The following RORA variants were observed in gnomAD, a reference collection of about 807,000 sequenced individuals.
The protein encoded by RORA is RAR related orphan receptor A.
RORA carries 7 observed loss-of-function variants against 69.5 expected under a neutral mutation model. That is an observed-to-expected ratio of 0.10 (90% CI 0.06 to 0.19). RORA has a LOEUF of 0.19. Among genes scored for constraint, RORA ranks in the 10% least tolerant of loss-of-function variants. The pLI, the probability that RORA is intolerant of heterozygous loss-of-function variation, is 1.00. For missense variants in RORA, 457 were observed against 663.0 expected, an observed-to-expected ratio of 0.69 and a Z score of 3.41; for synonymous variants, 261 against 240.8, an observed-to-expected ratio of 1.08 and a Z score of -0.78.
rs531022521 is a variant in RORA, at chr15:60,785,081, G to A, written c.167-106395C>T. On this transcript the variant is annotated intron_variant, in intron 1 of 10. Coordinates refer to ENST00000335670, the MANE Select transcript of RORA (RefSeq NM_134261.3). The stretch of plus-strand genomic sequence containing the variant: ...AATCAAATACAAGCAGCATCCGTTT[G>A]CATTTACTCACGATTATTGTGTTTG... Among the ~76,000 whole-genome samples the A allele has an allele frequency of 1.2e-4, 18 of 152,278 alleles. No individual in the cohort carries two copies. The East Asian group carries it at 3.5e-3, about 29-fold the overall frequency.
chr15:60,622,795 C>A (rs7178150), intron 2 of RORA, among the ~76,000 whole-genome samples: 4,192 of 152,096 alleles, frequency 0.028, 206 homozygotes, highest in African/African-American at 0.096. Context: ...GGCTCACGGC[C>A]ACCTCCACCT....
intron 1 of RORA, among the ~76,000 whole-genome samples, chr15:61,132,298 C>T (rs1169563677): frequency 4.0e-5 from 6 of 151,588 alleles, no homozygotes; most frequent in East Asian, 3.9e-4. Flanking sequence ...TTTATCTTAA[C>T]GGATGTTTGA....
intron 1 of RORA, among the ~76,000 whole-genome samples, chr15:61,054,966 A>G (rs1052009004): frequency 2.0e-5 from 3 of 151,854 alleles, no homozygotes; most frequent in Admixed American, 6.6e-5. Flanking sequence ...CTTCCTGAAT[A>G]GCTGGGACTA....
chr15:61,017,878 A>G (rs955612741), intron 1 of RORA, among the ~76,000 whole-genome samples: 1 of 152,186 alleles, frequency 6.6e-6, no homozygotes, highest in Non-Finnish European at 1.5e-5. Flanking sequence ...CTCCAGGTCC[A>G]CTAATTCTCC....
intron 1 of RORA, among the ~76,000 whole-genome samples, chr15:60,999,532 T>A (rs552797094): frequency 6.6e-6 from 1 of 152,348 alleles, no homozygotes; most frequent in Admixed American, 6.5e-5. Flanking sequence ...ACTAGCAGGT[T>A]GTCTTTTAGA....
intron 1 of RORA, among the ~76,000 whole-genome samples, chr15:61,056,176 T>C (rs72754778): frequency 5.8e-4 from 88 of 152,312 alleles, no homozygotes; most frequent in Non-Finnish European, 9.7e-4. Flanking sequence ...TTGTCAATAG[T>C]GAGCACCCGT....
rs1303007004 is a variant in RORA at position 60,505,615 on chromosome 15, T to G, written c.835A>C (p.Asn279His). The change falls in exon 6 of 11, where the codon AAT (asparagine) becomes CAT (histidine). Residue 279 changes from asparagine to histidine, a missense_variant. Asn to His is a moderately conservative substitution (Grantham distance 68). Coordinates refer to ENST00000335670, the MANE Select transcript of RORA (RefSeq NM_134261.3). ...GTTTCCAGATGCGATTTAGATATAT[T>G]CTGTGCAAGGTGTTCTAAGGAGAAA... ...SMAELEHLAQNISKSHLETCQ... is the reference protein window; with the variant it reads ...SMAELEHLAQHISKSHLETCQ... 6.2e-7 allele frequency: 1 copy of G among 1,613,894 alleles called. No individual in the cohort carries two copies. The highest frequency in any genetic ancestry group is 1.3e-5 in the African/African-American group (1 of 74,916).
intron 3 of RORA, among the ~76,000 whole-genome samples, chr15:60,524,632 T>C (rs1230548960): frequency 6.6e-6 from 1 of 152,242 alleles, no homozygotes; most frequent in Non-Finnish European, 1.5e-5. Flanking sequence ...GTATTATTAA[T>C]GTCTACCTTT....
At chr15:60,988,262 C>T (rs1424084138) in intron 1 of RORA, among the ~76,000 whole-genome samples, 2 of 152,154 alleles carry the variant, frequency 1.3e-5, no homozygotes, top group Non-Finnish European at 2.9e-5. Context: ...TGACAGATTA[C>T]CTAATCCTAG....
Position 60,769,402 on chromosome 15 carries a change from T to C in RORA, c.167-90716A>G, listed in dbSNP as rs575540780. ...CTGGACTAGTAATATCTCGATGAAG[T>C]TGCAAAAAGAACAACAAAAAAAACC... On this transcript the variant is annotated intron_variant, in intron 1 of 10. Coordinates refer to ENST00000335670, the MANE Select transcript of RORA (RefSeq NM_134261.3). Among the ~76,000 whole-genome samples the C allele has an allele frequency of 7.2e-4, 110 of 152,222 alleles. 1 individual carries two copies. Among genetic ancestry groups the C allele is most frequent in the African/African-American group, 2.6e-3 (106 of 41,542 alleles).
chr15:60,868,926 C>T (rs1432596794), intron 1 of RORA, among the ~76,000 whole-genome samples: 2 of 152,122 alleles, frequency 1.3e-5, no homozygotes, highest in African/African-American at 2.4e-5. Context: ...GGTTGGCAAC[C>T]TGATTATTTC....
chr15:60,965,296 G>A (rs748449683), intron 1 of RORA, among the ~76,000 whole-genome samples: 1 of 152,110 alleles, frequency 6.6e-6, no homozygotes, highest in Non-Finnish European at 1.5e-5. Flanking sequence ...CCCTGTCATA[G>A]AGCATCCCAG....
chr15:60,854,215 T>G (rs112995771), intron 1 of RORA, among the ~76,000 whole-genome samples: 1 of 152,064 alleles, frequency 6.6e-6, no homozygotes, highest in African/African-American at 2.4e-5. Context: ...TGAGCCAAGA[T>G]TGCACCACTG....
intron 2 of RORA, among the ~76,000 whole-genome samples, chr15:60,621,199 A>AAT (rs139761101): frequency 2.0e-4 from 16 of 81,090 alleles, no homozygotes; most frequent in Admixed American, 3.5e-4. Flanking sequence ...ACTTTCATCG[A>AAT]ATATATATAT....
chr15:61,067,270 C>T (rs1264317532), intron 1 of RORA, among the ~76,000 whole-genome samples: 3 of 152,002 alleles, frequency 2.0e-5, no homozygotes, highest in Non-Finnish European at 4.4e-5. Context: ...TGTCACCATG[C>T]CTGGCTAATT....
intron 1 of RORA, among the ~76,000 whole-genome samples, chr15:61,051,947 T>TA (rs1392212970): frequency 1.3e-5 from 2 of 152,212 alleles, no homozygotes; most frequent in African/African-American, 4.8e-5. Context: ...CACCTCCTCT[T>TA]ACATCCTATT....
intron 1 of RORA, among the ~76,000 whole-genome samples, chr15:61,224,636 C>A (rs923395745): frequency 1.3e-5 from 2 of 152,146 alleles, no homozygotes; most frequent in African/African-American, 4.8e-5. Flanking sequence ...GTGACATGTC[C>A]AAGGAAAAGA....
chr15:60,733,292 TG>T (rs750910112), intron 1 of RORA, among the ~76,000 whole-genome samples: 3 of 152,160 alleles, frequency 2.0e-5, no homozygotes, highest in Non-Finnish European at 2.9e-5. Flanking sequence ...AGGCCAAAAA[TG>T]AGGCACAATA....
At chr15:61,093,059 T>C (rs1312979470) in intron 1 of RORA, among the ~76,000 whole-genome samples, 3 of 152,218 alleles carry the variant, frequency 2.0e-5, no homozygotes, top group African/African-American at 7.2e-5. Context: ...CTGTCAATAC[T>C]GCTGCCTCGT....
Sources: allele counts gnomAD v4.1 joint callset (sites outside exome capture counted in the v4.1 genomes callset), GRCh38; gene constraint gnomAD v4.1.1; transcripts MANE v1.5; gene names NCBI Gene and HGNC (gene_info 2026-07-23, HGNC 2026-07-21).